Variants in NEGR1 observed in about 807,000 individuals in gnomAD.
NEGR1 encodes the protein IgLON family member 4.
Under a neutral mutation model 40.9 loss-of-function variants are expected in NEGR1, and 10 were observed. The observed-to-expected ratio is 0.24, with a 90% CI of 0.15 to 0.42. The LOEUF is 0.42. NEGR1 is among the 10% of genes least tolerant of loss of function. NEGR1 has a pLI of 1.00. For synonymous variants in NEGR1, 185 were observed against 166.8 expected (o/e 1.11, Z -0.84); for missense variants, 352 against 438.9 (o/e 0.80, Z 1.77).
At chr1:72,041,299 T>C (rs1265576790) in intron 1 of NEGR1, among the ~76,000 whole-genome samples, 2 of 152,022 alleles carry the variant, frequency 1.3e-5, no homozygotes, top group Non-Finnish European at 2.9e-5. Context: ...GATTTACAAA[T>C]TTCCTTTACA....
At chr1:72,282,224 C>T in intron 1 of NEGR1, 95 bp downstream of exon 1, 1 of 1,371,380 alleles carries the variant, frequency 7.3e-7, no homozygotes, top group Non-Finnish European at 1.0e-6. Flanking sequence ...GCACCACCAG[C>T]ATTATTGCTT....
intron 1 of NEGR1, among the ~76,000 whole-genome samples, chr1:72,079,284 T>C (rs2100525213): frequency 6.6e-6 from 1 of 151,994 alleles, no homozygotes; most frequent in Non-Finnish European, 1.5e-5. Flanking sequence ...AATAATCAGA[T>C]CTAAGCTTCA....
chr1:71,690,189 C>T (rs1160873201), intron 4 of NEGR1, among the ~76,000 whole-genome samples: 3 of 151,828 alleles, frequency 2.0e-5, no homozygotes, highest in Non-Finnish European at 2.9e-5. Context: ...TTTGGCAATT[C>T]CTCTGAAGTT....
chr1:71,607,967 G>A (rs142023875), intron 5 of NEGR1, among the ~76,000 whole-genome samples: 2,741 of 152,258 alleles, frequency 0.018, 89 homozygotes, highest in African/African-American at 0.063. Flanking sequence ...GATTACAGGC[G>A]TGAGCCACTG....
At chr1:71,463,426 G>A (rs1034621365) in intron 6 of NEGR1, 1 of 152,080 alleles carries the variant, frequency 6.6e-6, no homozygotes, top group Admixed American at 6.6e-5. Context: ...TGTCACGTTT[G>A]AACAGATACC....
intron 3 of NEGR1, among the ~76,000 whole-genome samples, chr1:71,756,018 A>G (rs1011995522): frequency 2.6e-5 from 4 of 152,172 alleles, no homozygotes. Context: ...CCTCAAATGT[A>G]TTTGTCATAT....
intron 1 of NEGR1, among the ~76,000 whole-genome samples, chr1:72,118,071 T>C (rs1442361798): frequency 2.0e-5 from 3 of 151,832 alleles, no homozygotes; most frequent in Non-Finnish European, 4.4e-5. Context: ...AAGCTAGATA[T>C]AATTTTTGGG....
intron 3 of NEGR1, among the ~76,000 whole-genome samples, chr1:71,699,621 G>C (rs565880200): frequency 6.3e-4 from 95 of 151,816 alleles, no homozygotes; most frequent in African/African-American, 2.1e-3. Flanking sequence ...AGTAAGGATG[G>C]TATTAAATAT....
At chr1:72,091,041 G>T (rs1010469962) in intron 1 of NEGR1, among the ~76,000 whole-genome samples, 2 of 152,096 alleles carry the variant, frequency 1.3e-5, no homozygotes, top group Non-Finnish European at 2.9e-5. Flanking sequence ...GATAAATGAT[G>T]ATTTTTCAAA....
intron 2 of NEGR1, among the ~76,000 whole-genome samples, chr1:71,784,571 C>T (rs1042615198): frequency 2.0e-5 from 3 of 152,042 alleles, no homozygotes; most frequent in Admixed American, 1.3e-4. Flanking sequence ...AGGATTGGTT[C>T]TAAATGGTAG....
chr1:71,621,166 G>A (rs1406812935), intron 4 of NEGR1, among the ~76,000 whole-genome samples: 3 of 151,892 alleles, frequency 2.0e-5, no homozygotes, highest in African/African-American at 7.2e-5. Flanking sequence ...CTGCAAGCAT[G>A]TGATTAATTT....
chr1:71,910,176 A>G (rs1482942192), intron 2 of NEGR1, among the ~76,000 whole-genome samples: 1 of 152,198 alleles, frequency 6.6e-6, no homozygotes, highest in African/African-American at 2.4e-5. Flanking sequence ...AACACCTATT[A>G]GAGGCCAGAA....
intron 4 of NEGR1, among the ~76,000 whole-genome samples, chr1:71,655,417 A>C (rs1651845422): frequency 6.6e-6 from 1 of 152,206 alleles, no homozygotes; most frequent in African/African-American, 2.4e-5. Flanking sequence ...CTTATATAAA[A>C]ATTACATGGA....
At chr1:71,676,791 A>G (rs904943539) in intron 4 of NEGR1, among the ~76,000 whole-genome samples, 7 of 152,312 alleles carry the variant, frequency 4.6e-5, no homozygotes, top group Non-Finnish European at 8.8e-5. Flanking sequence ...CAAGAAAGAG[A>G]GAAGAGATAT....
intron 1 of NEGR1, among the ~76,000 whole-genome samples, chr1:72,177,715 C>T (rs1652226936): frequency 6.6e-6 from 1 of 150,858 alleles, no homozygotes; most frequent in Non-Finnish European, 1.5e-5. Flanking sequence ...TTCAAGCCTT[C>T]TGAAAATTTC....
intron 6 of NEGR1, among the ~76,000 whole-genome samples, chr1:71,414,651 C>T (rs932156343): frequency 1.3e-5 from 2 of 152,176 alleles, no homozygotes; most frequent in Admixed American, 1.3e-4. Context: ...ATCTGTTGCA[C>T]AGCGATTTCT....
At chr1:71,446,311 C>T (rs550738616) in intron 6 of NEGR1, among the ~76,000 whole-genome samples, 10 of 152,162 alleles carry the variant, frequency 6.6e-5, no homozygotes, top group Admixed American at 2.0e-4. Context: ...AGATAACCGT[C>T]TCAGAAAACA....
chr1:71,628,807 T>C (rs984467859), intron 4 of NEGR1, among the ~76,000 whole-genome samples: 14 of 152,170 alleles, frequency 9.2e-5, no homozygotes, highest in African/African-American at 2.9e-4. Flanking sequence ...CTTTATCCAG[T>C]CTATCACTGA....
chr1:72,219,940 G>A (rs1314157555), intron 1 of NEGR1, among the ~76,000 whole-genome samples: 3 of 151,964 alleles, frequency 2.0e-5, no homozygotes, highest in Non-Finnish European at 4.4e-5. Flanking sequence ...TTGCTCTACA[G>A]ATACACTATT....
Sources: allele counts gnomAD v4.1 joint callset (sites outside exome capture counted in the v4.1 genomes callset), GRCh38; gene constraint gnomAD v4.1.1; transcripts MANE v1.5; gene names NCBI Gene and HGNC (gene_info 2026-07-23, HGNC 2026-07-21).